Variants in BOD1L1 observed in about 807,000 individuals in gnomAD.
BOD1L1 encodes the protein biorientation of chromosomes in cell division protein 1-like 1.
A neutral mutation model predicts 240.7 loss-of-function variants in BOD1L1; 86 were observed. That is an observed-to-expected ratio of 0.36 (90% CI 0.30 to 0.43). The LOEUF is 0.43. BOD1L1 is among the 20% of genes least tolerant of loss of function. The pLI is 1.00. For synonymous variants in BOD1L1, 1,268 were observed against 1,272.3 expected (o/e 1.00, Z 0.07); for missense variants, 3,554 against 3,643.5 (o/e 0.98, Z 0.63).
chr4:13,612,953 G>A (rs970047437), intron 5 of BOD1L1, among the ~76,000 whole-genome samples: 8 of 152,182 alleles, frequency 5.3e-5, no homozygotes, highest in African/African-American at 1.9e-4. Flanking sequence ...CATCAATGCA[G>A]AGGAAGTAAT....
rs1332733891 is a variant in BOD1L1, at chr4:13,581,059, A to G, written c.8669-5T>C. ...TATCTGTTTTGGAGTCGTCTTCTAA[A>G]AAAAAAAAATTCACTTAGAAAATCG... On this transcript the variant is annotated splice_polypyrimidine_tract_variant and splice_region_variant and intron_variant, in intron 20 of 25. Coordinates refer to ENST00000040738, the MANE Select transcript of BOD1L1 (RefSeq NM_148894.3). 1 of 1,566,784 alleles carries G rather than the reference A, an allele frequency of 6.4e-7. No individual in the cohort carries two copies. The highest frequency in any genetic ancestry group is 8.7e-7 in the Non-Finnish European group (1 of 1,154,206).
chr4:13,591,689 C>G (rs1714231929), intron 13 of BOD1L1, among the ~76,000 whole-genome samples: 2 of 152,018 alleles, frequency 1.3e-5, no homozygotes, highest in Admixed American at 1.3e-4. Context: ...TAATAATAAA[C>G]AATAGAAAGT....
rs921956813 is a variant in BOD1L1, at chr4:13,602,991, C to A, written c.3909G>T (p.Leu1303=). 6.2e-7 allele frequency: 1 copy of A among 1,613,890 alleles called. No individual in the cohort carries two copies. The highest frequency in any genetic ancestry group is 1.3e-5 in the African/African-American group (1 of 74,934). ...RESYDPDVIP[L]FDKRTVLEGS... ...CTTCCAAAACAGTTCTTTTGTCAAA[C>A]AGAGGAATTACATCTGGATCATACG... The change falls in exon 10 of 26, where the codon CTG becomes CTT. Residue 1303 remains leucine (L), a synonymous_variant. Coordinates refer to ENST00000040738, the MANE Select transcript of BOD1L1 (RefSeq NM_148894.3).
chr4:13,605,755 T>C (rs539219989), intron 9 of BOD1L1, among the ~76,000 whole-genome samples: 5 of 152,344 alleles, frequency 3.3e-5, no homozygotes, highest in South Asian at 2.1e-4. Flanking sequence ...GAATTATGTA[T>C]GGAAACCTCA....
At chr4:13,579,521 C>T (rs1560180347) in intron 22 of BOD1L1, among the ~76,000 whole-genome samples, 1 of 152,124 alleles carries the variant, frequency 6.6e-6, no homozygotes, top group Non-Finnish European at 1.5e-5. Flanking sequence ...TTGATATCAA[C>T]ACTTCAAAGC....
At chr4:13,582,820 T>A in intron 17 of BOD1L1, 84 bp from the exon 18 acceptor site, 8 of 932,170 alleles carry the variant, frequency 8.6e-6, no homozygotes, top group Non-Finnish European at 1.3e-5. Context: ...TTTGCCTTTC[T>A]ATTTCAAAAA....
chr4:13,600,285 A>G lies in BOD1L1; in HGVS notation c.6615T>C (p.Leu2205=). 1 of 1,614,032 alleles carries G rather than the reference A, an allele frequency of 6.2e-7. No homozygotes were observed. Among genetic ancestry groups the G allele is most frequent in the Non-Finnish European group, 8.5e-7 (1 of 1,179,880 alleles). ...CCTTCTCCTCCTTGCTGGTTGAGGC[A>G]AGAGGACTTTCAGCTTCTGGGGGCG... ...PSAPPEAESP[L]ASTSKEEKDE... The change falls in exon 10 of 26, where the codon CTT becomes CTC. Residue 2205 remains leucine (L), a synonymous_variant. Transcript: ENST00000040738.
At chr4:13,587,392 T>C (rs900907889) in intron 16 of BOD1L1, among the ~76,000 whole-genome samples, 3 of 152,200 alleles carry the variant, frequency 2.0e-5, no homozygotes. Flanking sequence ...CTGTAGGGTA[T>C]CTGCTTATGA....
intron 6 of BOD1L1, 84 bp from the exon 7 acceptor site, chr4:13,609,490 T>C (rs1332513311): frequency 3.5e-6 from 3 of 863,330 alleles, no homozygotes; most frequent in Admixed American, 3.8e-5. Flanking sequence ...AGTTTTAGTT[T>C]ACCCTTCAGA....
At position 13,602,550 on chromosome 4, in the gene BOD1L1, T is replaced by G. The variant is rs909201856; in HGVS notation, c.4350A>C (p.Lys1450Asn). ...VDHVVGLNTE[K>N]YAETVKLKHK... ...GCTTAAGTTTGACAGTTTCAGCATA[T>G]TTTTCTGTATTCAGGCCTACAACAT... is the stretch of plus-strand genomic sequence containing the variant. Residue 1450 changes from lysine to asparagine, a missense_variant, in exon 10 of 26, where the codon AAA becomes AAC. Transcript: ENST00000040738. 5 of 1,613,910 alleles carry G rather than the reference T, an allele frequency of 3.1e-6. No individual in the cohort carries two copies. The African/African-American group carries it at 5.3e-5, about 17-fold the overall frequency.
chr4:13,577,650 C>A lies in BOD1L1; in HGVS notation c.8750-19G>T. On this transcript the variant is annotated intron_variant, in intron 22 of 25. Coordinates refer to ENST00000040738, the MANE Select transcript of BOD1L1 (RefSeq NM_148894.3). ...GATTCATCTTTAAGAAAAGGGAAATCTCTGCATTAATATTTTATTACTGTA... is the reference window on the plus strand; with the variant it reads ...GATTCATCTTTAAGAAAAGGGAAATATCTGCATTAATATTTTATTACTGTA... The A allele has an allele frequency of 6.6e-7, 1 of 1,522,286 alleles. No homozygotes were observed. The highest frequency in any genetic ancestry group is 8.9e-7 in the Non-Finnish European group (1 of 1,119,994). The allele number at this position is 1,522,286 out of a possible 1,614,324, so 94.3% of individuals were successfully genotyped here. A position where few individuals can be genotyped will look rare whatever the true frequency, so the allele number is the denominator to read the frequency against.
chr4:13,612,699 A>G (rs1489839634), intron 5 of BOD1L1, among the ~76,000 whole-genome samples: 2 of 152,184 alleles, frequency 1.3e-5, no homozygotes, highest in African/African-American at 4.8e-5. Flanking sequence ...CTGGAATGCT[A>G]TGCCTGACTG....
chr4:13,589,199 T>C (rs747513219), intron 14 of BOD1L1, among the ~76,000 whole-genome samples: 2 of 152,192 alleles, frequency 1.3e-5, no homozygotes, highest in Non-Finnish European at 2.9e-5. Flanking sequence ...ATACCAAATA[T>C]GGCAGATGGT....
In BOD1L1 at chr4:13,602,700, A is replaced by G; in HGVS notation, c.4200T>C (p.Ile1400=). 6.2e-7 allele frequency: 1 copy of G among 1,613,996 alleles called. No individual in the cohort carries two copies. Among genetic ancestry groups the G allele is most frequent in the Non-Finnish European group, 8.5e-7 (1 of 1,179,880 alleles). ...LTGVIVENEN[I]TKEGGLVDMA... ...TGTCCACTAAGCCACCTTCTTTGGT[A>G]ATATTCTCATTTTCCACAATCACGC... The change falls in exon 10 of 26, where the codon ATT becomes ATC. Residue 1400 remains isoleucine (I), a synonymous_variant. Coordinates refer to ENST00000040738, the MANE Select transcript of BOD1L1 (RefSeq NM_148894.3).
Position 13,613,210 on chromosome 4 carries a change from C to T in BOD1L1, c.1324+302G>A, listed in dbSNP as rs968227450. Among the ~76,000 whole-genome samples, 12 of 152,084 alleles carry T rather than the reference C, an allele frequency of 7.9e-5. No individual in the cohort carries two copies. Among genetic ancestry groups the T allele is most frequent in the African/African-American group, 2.4e-5 (1 of 41,408 alleles). On this transcript the variant is annotated intron_variant, in intron 5 of 25. Coordinates refer to ENST00000040738, the MANE Select transcript of BOD1L1 (RefSeq NM_148894.3). The surrounding 1 kb of genome is among the most constrained non-coding windows in gnomAD (Gnocchi z 4.0). ...GCAGTGTTGTGGACTACGCTGTCCC[C>T]AAATGTGACACACACAAATAAAAAG...
rs772115470 is a variant in BOD1L1 at position 13,604,861 on chromosome 4, A to G, written c.2039T>C (p.Val680Ala). The G allele has an allele frequency of 1.6e-5, 25 of 1,612,128 alleles. No homozygotes were observed. In the South Asian group the frequency reaches 2.8e-4, roughly 18 times the overall value. ...TTCGGTGCAAATTTCTGAGCGTTCT[A>G]CTTGCCTTTTTACATCTCTTGTGTC... ...ETDTRDVKRQ[V>A]ERSEICTEEP... is the part of the protein sequence containing the mutation. The change falls in exon 10 of 26, where the codon GTA becomes GCA. Residue 680 changes from valine (V) to alanine (A), a missense_variant. Coordinates refer to ENST00000040738, the MANE Select transcript of BOD1L1 (RefSeq NM_148894.3).
intron 1 of BOD1L1, among the ~76,000 whole-genome samples, chr4:13,620,414 A>T (rs1390130045): frequency 1.3e-5 from 2 of 152,184 alleles, no homozygotes; most frequent in African/African-American, 4.8e-5. Context: ...AATCAATTGC[A>T]CAAGGAAGCT....
rs1716362590 is a variant in BOD1L1 at position 13,613,767 on chromosome 4, G to T, written c.1175-106C>A. 2 of 867,512 alleles carry T rather than the reference G, an allele frequency of 2.3e-6. No homozygotes were observed. Among genetic ancestry groups the T allele is most frequent in the Non-Finnish European group, 3.2e-6 (2 of 622,468 alleles). 53.7% of individuals were successfully genotyped at this position (867,512 alleles called of 1,614,324 possible). The stretch of plus-strand genomic sequence containing the variant: ...TTAAAATTTTCTGCTTTAAATACGT[G>T]TCAAACTATCAAACAAGGCAGAGTG... On this transcript the variant is annotated intron_variant, in intron 4 of 25. Transcript: ENST00000040738. The surrounding 1 kb of genome is among the most constrained non-coding windows in gnomAD (Gnocchi z 4.0).
intron 10 of BOD1L1, 84 bp from the exon 11 acceptor site, chr4:13,597,252 A>G: frequency 9.9e-7 from 1 of 1,008,712 alleles, no homozygotes; most frequent in Non-Finnish European, 1.5e-6. Flanking sequence ...GAATGTGGTT[A>G]TCTGACATGC....
Sources: allele counts gnomAD v4.1 joint callset (sites outside exome capture counted in the v4.1 genomes callset), GRCh38; gene constraint gnomAD v4.1.1; non-coding constraint Gnocchi (gnomAD v3.1); transcripts MANE v1.5; gene names NCBI Gene and HGNC (gene_info 2026-07-23, HGNC 2026-07-21).